The following ELAC2 variants were observed in gnomAD, a reference collection of about 807,000 sequenced individuals.
ELAC2 encodes the protein zinc phosphodiesterase ELAC protein 2.
Under a neutral mutation model 105.2 loss-of-function variants are expected in ELAC2, and 92 were observed. The observed-to-expected ratio is 0.87, with a 90% CI of 0.74 to 1.04. ELAC2 has a LOEUF of 1.04. ELAC2 is among the 50% of genes least tolerant of loss of function. The probability of loss-of-function intolerance (pLI) is 0.00; values close to 1 mark genes in which losing one functional copy is unlikely to be tolerated. For synonymous variants in ELAC2, 468 were observed against 409.1 expected (o/e 1.14, Z -1.74); for missense variants, 1,099 against 1,071.7 (o/e 1.03, Z -0.36).
chr17:12,994,377 G>C lies in ELAC2; in HGVS notation c.2108+48C>G, dbSNP rs759557739. 5 of 1,600,512 alleles carry C rather than the reference G, an allele frequency of 3.1e-6. No individual in the cohort carries two copies. The South Asian group carries it at 3.3e-5, about 11-fold the overall frequency. On this transcript the variant is annotated intron_variant, in intron 22 of 23. Coordinates refer to ENST00000338034, the MANE Select transcript of ELAC2 (RefSeq NM_018127.7). ...CGACGGCTGCTCAGTGTCACGTAGT[G>C]GGGGAGGGAGAGGATGTGGGCGACA...
rs534059728 is a variant in ELAC2 at position 12,991,976 on chromosome 17, C to CA, written c.*841dup. 9.1e-3 allele frequency among the ~76,000 whole-genome samples: 1,384 copies of CA among 152,150 alleles called. 19 individuals carry two copies. The highest frequency in any genetic ancestry group is 0.031 in the African/African-American group (1,283 of 41,398). ...GAAACCAGCCCCGTGTGCCATTTCT[C>CA]AAAACCTTCGAGGGCAAAGTGATCC... is the stretch of plus-strand genomic sequence containing the variant. On this transcript the variant is annotated 3_prime_UTR_variant, in exon 24 of 24. Coordinates refer to ENST00000338034, the MANE Select transcript of ELAC2 (RefSeq NM_018127.7).
chr17:13,018,013 C>G lies in ELAC2; in HGVS notation c.-66G>C, dbSNP rs7223706. 1.1e-3 allele frequency: 1,674 copies of G among 1,532,184 alleles called. 15 individuals carry two copies. In the African/African-American group the frequency reaches 0.019, roughly 17 times the overall value. 94.9% of individuals were successfully genotyped at this position (1,532,184 alleles called of 1,614,324 possible). ...TACGCCCGCGTTTCCCGTGCACCACCTAGCCGCTCCGCATGGCGGATCCAG... is the reference window on the plus strand; with the variant it reads ...TACGCCCGCGTTTCCCGTGCACCACGTAGCCGCTCCGCATGGCGGATCCAG... On this transcript the variant is annotated 5_prime_UTR_variant, in exon 1 of 24. It removes the in-frame stop codon of an upstream open reading frame in the 5' UTR. Coordinates refer to ENST00000338034, the MANE Select transcript of ELAC2 (RefSeq NM_018127.7).
intron 14 of ELAC2, among the ~76,000 whole-genome samples, chr17:13,001,571 CCTGG>C (rs2040815057): frequency 1.3e-5 from 2 of 151,982 alleles, no homozygotes; most frequent in African/African-American, 2.4e-5. Context: ...TGTTCACTTT[CCTGG>C]TTGGATTGTA....
At chr17:13,015,539 C>T (rs904231910) in intron 4 of ELAC2, among the ~76,000 whole-genome samples, 7 of 152,150 alleles carry the variant, frequency 4.6e-5, no homozygotes, top group African/African-American at 7.2e-5. Flanking sequence ...CTCTATGAAA[C>T]GTGATAGTCA....
Position 12,991,753 on chromosome 17 carries a change from G to A in ELAC2, c.*1065C>T, listed in dbSNP as rs116425518. 112 of 213,038 alleles carry A rather than the reference G, an allele frequency of 5.3e-4. No homozygotes were observed. Among genetic ancestry groups the A allele is most frequent in the African/African-American group, 2.5e-3 (109 of 44,254 alleles). The allele number at this position is 213,038 out of a possible 1,614,324, so 13.2% of individuals were successfully genotyped here. On this transcript the variant is annotated 3_prime_UTR_variant, in exon 24 of 24. Coordinates refer to ENST00000338034, the MANE Select transcript of ELAC2 (RefSeq NM_018127.7). ...ACCACCTGTGTAAAGCCAGGTCCCT[G>A]GCTGATCTCTCGCTTGCTTGTCTTT...
chr17:12,994,934 C>T (rs2143556088), intron 20 of ELAC2, 29 bp downstream of exon 20: 1 of 1,614,124 alleles, frequency 6.2e-7, no homozygotes, highest in Admixed American at 1.7e-5. Flanking sequence ...CCACCTCGCC[C>T]CCATGATGCC....
chr17:12,994,870 C>G lies in ELAC2; in HGVS notation c.1923G>C (p.Leu641=). The change falls in exon 21 of 24, where the codon CTG becomes CTC. Residue 641 remains leucine (L), a synonymous_variant. Coordinates refer to ENST00000338034, the MANE Select transcript of ELAC2 (RefSeq NM_018127.7). Reference sequence around the variant, plus strand: ...CAAACGCATGCTTGCAGTGCCGCACCAGACAGGTCTGAAACTGAAAGGGTG... The same window carrying G: ...CAAACGCATGCTTGCAGTGCCGCACGAGACAGGTCTGAAACTGAAAGGGTG... ...TCDLEEFQTC[L]VRHCKHAFGC... is the part of the protein sequence containing the mutation. 6.2e-7 allele frequency: 1 copy of G among 1,614,096 alleles called. No homozygotes were observed. The highest frequency in any genetic ancestry group is 8.5e-7 in the Non-Finnish European group (1 of 1,180,038).
At chr17:12,995,591 A>G in intron 19 of ELAC2, 112 bp downstream of exon 19, 1 of 1,074,732 alleles carries the variant, frequency 9.3e-7, no homozygotes, top group South Asian at 1.3e-5. Flanking sequence ...GGACCATGTC[A>G]AGGGCAAGGC....
chr17:12,997,920 A>G (rs922430049), intron 16 of ELAC2, among the ~76,000 whole-genome samples: 7 of 152,202 alleles, frequency 4.6e-5, no homozygotes, highest in African/African-American at 1.2e-4. Flanking sequence ...TTCTGAACAC[A>G]AATGTGCAAA....
chr17:12,998,718 T>C (rs1215804298), intron 15 of ELAC2, among the ~76,000 whole-genome samples: 2 of 152,172 alleles, frequency 1.3e-5, no homozygotes, highest in Non-Finnish European at 2.9e-5. Context: ...GGCTTGGAGC[T>C]GCAGTAGTAA....
In ELAC2 at chr17:13,014,467, A is replaced by G; in HGVS notation, c.462T>C (p.Phe154=). ...GTTCTATTCCTTTCAATGGACCAGA[A>G]AATATTTTGATTGCTTCGAGGTATT... is the stretch of plus-strand genomic sequence containing the variant. The part of the protein sequence containing the change: ...LEKYLEAIKI[F]SGPLKGIELA... The change falls in exon 5 of 24, where the codon TTT becomes TTC. Residue 154 remains phenylalanine (F), a synonymous_variant. Transcript: ENST00000338034. 1 of 1,613,872 alleles carries G rather than the reference A, an allele frequency of 6.2e-7. No individual in the cohort carries two copies.
In ELAC2 at chr17:12,995,611, A is replaced by G. The variant is rs1305551930; in HGVS notation, c.1808+92T>C. 3.2e-6 allele frequency: 4 copies of G among 1,236,092 alleles called. No individual in the cohort carries two copies. In the South Asian group the frequency reaches 3.9e-5, roughly 12 times the overall value. The allele number at this position is 1,236,092 out of a possible 1,614,324, so 76.6% of individuals were successfully genotyped here. A position where few individuals can be genotyped will look rare whatever the true frequency, so the allele number is the denominator to read the frequency against. On this transcript the variant is annotated intron_variant, in intron 19 of 23. Coordinates refer to ENST00000338034, the MANE Select transcript of ELAC2 (RefSeq NM_018127.7). The stretch of plus-strand genomic sequence containing the variant: ...ATGTCAAGGGCAAGGCTGCTGGGGG[A>G]TATTGGTAACTACCCCAGTGTCCAC...
intron 8 of ELAC2, among the ~76,000 whole-genome samples, chr17:13,006,937 C>T (rs998985036): frequency 2.6e-5 from 4 of 151,852 alleles, no homozygotes; most frequent in East Asian, 3.9e-4. Context: ...CTGGCTAAGA[C>T]GGTGAATCCC....
Position 13,002,316 on chromosome 17 carries a change from C to G in ELAC2, c.1262G>C (p.Cys421Ser), listed in dbSNP as rs1451875798. Residue 421 changes from cysteine to serine, a missense_variant, in exon 14 of 24, where the codon TGC (cysteine) becomes TCC (serine). Transcript: ENST00000338034. ...GGGACGGAGCTGGTACTTGAGGAGG[C>G]ATTCACCCTGAACCATGGGCACACT... Reference protein sequence around the residue: ...TLSVPMVQGECLLKYQLRPRR... With the variant: ...TLSVPMVQGESLLKYQLRPRR... The G allele has an allele frequency of 7.4e-6, 12 of 1,614,202 alleles. No homozygotes were observed. The highest frequency in any genetic ancestry group is 1.0e-5 in the Non-Finnish European group (12 of 1,180,040).
At chr17:13,006,075 AAAAT>A in intron 8 of ELAC2, 96 bp from the exon 9 acceptor site, 4 of 1,330,334 alleles carry the variant, frequency 3.0e-6, no homozygotes, top group Non-Finnish European at 4.3e-6. Flanking sequence ...AGATTAAAAA[AAAAT>A]AATAATGTTG....
chr17:13,008,365 A>G (rs2041225157), intron 8 of ELAC2, among the ~76,000 whole-genome samples: 1 of 150,216 alleles, frequency 6.7e-6, no homozygotes, highest in Non-Finnish European at 1.5e-5. Context: ...TACAAAAATT[A>G]GCTGGGCATG....
At chr17:13,006,557 T>C (rs542085521) in intron 8 of ELAC2, 1 of 160,078 alleles carries the variant, frequency 6.2e-6, no homozygotes, top group East Asian at 1.8e-4. Context: ...TTTAATAAAA[T>C]GTAATTCAAT....
intron 22 of ELAC2, among the ~76,000 whole-genome samples, chr17:12,994,127 A>G (rs1273008672): frequency 6.6e-6 from 1 of 152,162 alleles, no homozygotes; most frequent in African/African-American, 2.4e-5. Flanking sequence ...GCAGCCAAAA[A>G]TTCAGTCCCC....
At chr17:12,995,575 C>A in intron 19 of ELAC2, 128 bp downstream of exon 19, 1 of 867,710 alleles carries the variant, frequency 1.2e-6, no homozygotes, top group Non-Finnish European at 1.9e-6. Context: ...CTGCTTCTGC[C>A]ATCTGGGACC....
Sources: allele counts gnomAD v4.1 joint callset (sites outside exome capture counted in the v4.1 genomes callset), GRCh38; gene constraint gnomAD v4.1.1; transcripts MANE v1.5; gene names NCBI Gene and HGNC (gene_info 2026-07-23, HGNC 2026-07-21).